Variants in SLC19A2 observed in about 807,000 individuals in gnomAD.
The protein encoded by SLC19A2 is thiamine transporter 1.
A neutral mutation model predicts 44.7 loss-of-function variants in SLC19A2; 27 were observed. The ratio of observed to expected loss-of-function variants is 0.60; its 90% CI spans 0.45 to 0.83. The LOEUF (loss-of-function observed/expected upper bound fraction) is 0.83. SLC19A2 is among the 40% of genes least tolerant of loss of function. SLC19A2 has a pLI of 0.00. For missense variants in SLC19A2, 566 were observed against 613.7 expected (o/e 0.92, Z 0.82); for synonymous variants, 239 against 243.6 (o/e 0.98, Z 0.18).
chr1:169,467,365 C>G (rs6692649), intron 5 of SLC19A2, among the ~76,000 whole-genome samples: 40,263 of 152,086 alleles, frequency 0.26, 6,694 homozygotes, highest in Non-Finnish European at 0.38. Flanking sequence ...TAGAGGCACT[C>G]AATGCACATT....
intron 3 of SLC19A2, 39 bp from the exon 4 acceptor site, chr1:169,468,875 A>AGCATTTGTGTAG: frequency 6.4e-7 from 1 of 1,573,504 alleles, no homozygotes; most frequent in Non-Finnish European, 8.7e-7. Context: ...ATTTTGCTAC[A>AGCATTTGTGTAG]CAAATGCTGT....
At chr1:169,480,533 C>T (rs1195454247) in intron 1 of SLC19A2, among the ~76,000 whole-genome samples, 4 of 151,932 alleles carry the variant, frequency 2.6e-5, no homozygotes, top group Non-Finnish European at 5.9e-5. Context: ...AGGCTGGTCT[C>T]GAACTCCTGA....
In SLC19A2 at chr1:169,468,172, T is replaced by C. The variant is rs147201698; in HGVS notation, c.1304A>G (p.Gln435Arg). The C allele has an allele frequency of 6.2e-7, 1 of 1,613,874 alleles. No individual in the cohort carries two copies. The highest frequency in any genetic ancestry group is 1.3e-5 in the African/African-American group (1 of 74,900). The change falls in exon 5 of 6, where the codon CAG (glutamine) becomes CGG (arginine). Residue 435 changes from glutamine to arginine, a missense_variant. By Grantham distance (43) the Gln-to-Arg change is conservative (BLOSUM62 1). Transcript: ENST00000236137. ...TACCACAATTAGAGTGAGCAGCGTCTGCAGTGCCAGGGCAATGAAGGTATT... is the reference window on the plus strand; with the variant it reads ...TACCACAATTAGAGTGAGCAGCGTCCGCAGTGCCAGGGCAATGAAGGTATT... The part of the protein sequence containing the change: ...GVNTFIALAL[Q>R]TLLTLIVVDA...
At chr1:169,478,219 A>G (rs1292159527) in intron 1 of SLC19A2, among the ~76,000 whole-genome samples, 1 of 152,106 alleles carries the variant, frequency 6.6e-6, no homozygotes, top group Non-Finnish European at 1.5e-5. Context: ...TCCTATCCCC[A>G]ATACCATCAT....
At position 169,477,433 on chromosome 1, in the gene SLC19A2, G is replaced by C; in HGVS notation, c.529C>G (p.Gln177Glu). The C allele has an allele frequency of 6.2e-7, 1 of 1,614,158 alleles. No homozygotes were observed. Among genetic ancestry groups the C allele is most frequent in the Non-Finnish European group, 8.5e-7 (1 of 1,180,042 alleles). Residue 177 changes from glutamine to glutamate, a missense_variant, in exon 2 of 6, where the codon CAA (glutamine) becomes GAA (glutamate). By Grantham distance (29) the Gln-to-Glu change is conservative (BLOSUM62 2). Coordinates refer to ENST00000236137, the MANE Select transcript of SLC19A2 (RefSeq NM_006996.3). ...VGFTVGSVLG[Q>E]ILVSVAGWSL... is the part of the protein sequence containing the mutation. ...CAGCCTGCCACTGAGACAAGGATTTGCCCTAGGACAGAGCCCACTGTAAAG... is the reference window on the plus strand; with the variant it reads ...CAGCCTGCCACTGAGACAAGGATTTCCCCTAGGACAGAGCCCACTGTAAAG...
At chr1:169,480,391 C>T (rs562886227) in intron 1 of SLC19A2, among the ~76,000 whole-genome samples, 2 of 152,178 alleles carry the variant, frequency 1.3e-5, no homozygotes, top group East Asian at 3.9e-4. Flanking sequence ...CGGCTCACTG[C>T]AACCTCTGCC....
intron 2 of SLC19A2, chr1:169,474,246 A>G (rs1658258574): frequency 6.6e-6 from 1 of 152,214 alleles, no homozygotes; most frequent in African/African-American, 2.4e-5. Flanking sequence ...TAGAGACCTT[A>G]GACATGCAGA....
chr1:169,485,423 A>G, intron 1 of SLC19A2, 140 bp downstream of exon 1: 1 of 913,502 alleles, frequency 1.1e-6, no homozygotes, highest in Non-Finnish European at 1.7e-6. Context: ...AAAGAAGAGC[A>G]CGAAGCCGAC....
chr1:169,468,396 C>T, intron 4 of SLC19A2, 144 bp from the exon 5 acceptor site: 1 of 732,870 alleles, frequency 1.4e-6, no homozygotes, highest in Non-Finnish European at 2.2e-6. Flanking sequence ...CAAATGAAAA[C>T]ATTCTGCAAC....
At chr1:169,473,466 G>A (rs1025839909) in intron 2 of SLC19A2, among the ~76,000 whole-genome samples, 2 of 149,816 alleles carry the variant, frequency 1.3e-5, no homozygotes, top group Non-Finnish European at 3.0e-5. Flanking sequence ...GGCTCGTCTC[G>A]AACTCCTGAC....
At chr1:169,476,436 T>C (rs1407142496) in intron 2 of SLC19A2, among the ~76,000 whole-genome samples, 1 of 152,192 alleles carries the variant, frequency 6.6e-6, no homozygotes, top group Non-Finnish European at 1.5e-5. Context: ...GTGGGCTTCA[T>C]GACTGGGTGC....
intron 1 of SLC19A2, 44 bp from the exon 2 acceptor site, chr1:169,477,801 A>C (rs753329512): frequency 6.4e-7 from 1 of 1,562,604 alleles, no homozygotes. Context: ...ATTAGTGATG[A>C]AAGGACCTGG....
In SLC19A2 at chr1:169,477,431, T is replaced by G. The variant is rs1658350161; in HGVS notation, c.531A>C (p.Gln177His). The G allele has an allele frequency of 6.2e-7, 1 of 1,614,182 alleles. No individual in the cohort carries two copies. Among genetic ancestry groups the G allele is most frequent in the Non-Finnish European group, 8.5e-7 (1 of 1,180,034 alleles). ...ACCAGCCTGCCACTGAGACAAGGAT[T>G]TGCCCTAGGACAGAGCCCACTGTAA... is the stretch of plus-strand genomic sequence containing the variant. ...VGFTVGSVLG[Q>H]ILVSVAGWSL... is the part of the protein sequence containing the mutation. The change falls in exon 2 of 6, where the codon CAA becomes CAC. Residue 177 changes from glutamine (Q) to histidine (H), a missense_variant. By Grantham distance (24) the Gln-to-His change is conservative (BLOSUM62 0). Coordinates refer to ENST00000236137, the MANE Select transcript of SLC19A2 (RefSeq NM_006996.3).
intron 5 of SLC19A2, among the ~76,000 whole-genome samples, chr1:169,467,714 A>G (rs890599751): frequency 6.6e-6 from 1 of 152,146 alleles, no homozygotes; most frequent in Admixed American, 6.5e-5. Flanking sequence ...GTTTTAAATA[A>G]AGAAGGGAGG....
Position 169,485,786 on chromosome 1 carries a change from G to C in SLC19A2, c.-20C>G, listed in dbSNP as rs753269605. 1.3e-5 allele frequency: 20 copies of C among 1,519,502 alleles called. No homozygotes were observed. Among genetic ancestry groups the C allele is most frequent in the Admixed American group, 2.1e-5 (1 of 48,108 alleles). 94.1% of individuals were successfully genotyped at this position (1,519,502 alleles called of 1,614,324 possible). A position where few individuals can be genotyped will look rare whatever the true frequency, so the allele number is the denominator to read the frequency against. On this transcript the variant is annotated 5_prime_UTR_variant, in exon 1 of 6. Transcript: ENST00000236137. ...ATCCATCCGGGGCGCGAGGGGAGGG[G>C]ACCCGGCCCGGCCCCTTCCTTCTCC...
chr1:169,473,399 T>C (rs994459513), intron 2 of SLC19A2, among the ~76,000 whole-genome samples: 2 of 137,964 alleles, frequency 1.4e-5, no homozygotes, highest in Non-Finnish European at 3.1e-5. Context: ...CACGCCCAGC[T>C]AGTTTTTGTA....
intron 1 of SLC19A2, among the ~76,000 whole-genome samples, chr1:169,480,986 A>T (rs1040223119): frequency 6.6e-6 from 1 of 152,228 alleles, no homozygotes; most frequent in Non-Finnish European, 1.5e-5. Flanking sequence ...ACCTTGCAAT[A>T]ACAACTAAAA....
At chr1:169,477,909 T>A (rs1658362340) in intron 1 of SLC19A2, 152 bp from the exon 2 acceptor site, 1 of 834,172 alleles carries the variant, frequency 1.2e-6, no homozygotes, top group Admixed American at 2.7e-5. Context: ...AAAATGTCTT[T>A]TCTCTCTTTT....
rs1283244466 is a variant in SLC19A2, at chr1:169,485,569, C to G, written c.198G>C (p.Glu66Asp). Residue 66 changes from glutamate (E) to aspartate (D), a missense_variant, in exon 1 of 6, where the codon GAG becomes GAC. Coordinates refer to ENST00000236137, the MANE Select transcript of SLC19A2 (RefSeq NM_006996.3). ...YLLGPDKNLT[E>D]REVFNEIYPV... ...CCGCGTCCGCCGCGCGTACCTCCCT[C>G]TCGGTCAGGTTCTTGTCCGGCCCCA... 2 of 1,585,546 alleles carry G rather than the reference C, an allele frequency of 1.3e-6. No individual in the cohort carries two copies. The highest frequency in any genetic ancestry group is 1.7e-6 in the Non-Finnish European group (2 of 1,166,236).
Sources: gnomAD v4.1 joint callset for allele counts (sites outside exome capture counted in the v4.1 genomes callset) on GRCh38, gnomAD v4.1.1 for gene constraint, MANE v1.5 for transcripts, NCBI Gene and HGNC (gene_info 2026-07-23, HGNC 2026-07-21) for gene names.